MTUS2: variants seen among roughly 807,000 people sequenced by gnomAD.
MTUS2 encodes the protein microtubule associated scaffold protein 2.
Under a neutral mutation model 114.1 loss-of-function variants are expected in MTUS2, and 40 were observed. The observed-to-expected ratio is 0.35, with a 90% CI of 0.27 to 0.46. The LOEUF (loss-of-function observed/expected upper bound fraction) is 0.46. Among genes scored for constraint, MTUS2 ranks in the 20% least tolerant of loss-of-function variants. The pLI, the probability that MTUS2 is intolerant of heterozygous loss-of-function variation, is 1.00. For missense variants in MTUS2, 1,679 were observed against 1,705.4 expected (o/e 0.98, Z 0.27); for synonymous variants, 688 against 672.0 (o/e 1.02, Z -0.37).
chr13:28,995,019 G>A (rs1464655534), intron 2 of MTUS2, among the ~76,000 whole-genome samples: 1 of 152,042 alleles, frequency 6.6e-6, no homozygotes, highest in Non-Finnish European at 1.5e-5. Context: ...TTCTTCTAGG[G>A]TTTTATGGTT....
At chr13:29,196,538 G>A (rs2139218026) in intron 5 of MTUS2, among the ~76,000 whole-genome samples, 1 of 152,048 alleles carries the variant, frequency 6.6e-6, no homozygotes, top group South Asian at 2.1e-4. Flanking sequence ...ATAATGTTGT[G>A]CAGCCATCAC....
At chr13:29,096,103 C>T (rs1005858640) in intron 4 of MTUS2, among the ~76,000 whole-genome samples, 3 of 152,062 alleles carry the variant, frequency 2.0e-5, no homozygotes, top group Non-Finnish European at 4.4e-5. Flanking sequence ...TACTAATTAT[C>T]TCTCTTCCTC....
intron 8 of MTUS2, among the ~76,000 whole-genome samples, chr13:29,396,896 C>T (rs1873949999): frequency 1.3e-5 from 2 of 152,152 alleles, no homozygotes; most frequent in Admixed American, 1.3e-4. Context: ...CCCTGCAATC[C>T]CTGGCCATCA....
intron 5 of MTUS2, among the ~76,000 whole-genome samples, chr13:29,130,378 C>T (rs1275185170): frequency 6.6e-6 from 1 of 152,180 alleles, no homozygotes; most frequent in African/African-American, 2.4e-5. Flanking sequence ...CCTCGCTCTT[C>T]CTTCTGCCCA....
intron 4 of MTUS2, among the ~76,000 whole-genome samples, chr13:29,078,170 T>G (rs1593451987): frequency 6.6e-6 from 1 of 152,224 alleles, no homozygotes; most frequent in East Asian, 1.9e-4. Flanking sequence ...TCAGCTTCTT[T>G]GCATGAGATT....
At chr13:29,359,550 A>T (rs1870058099) in intron 8 of MTUS2, 77 bp downstream of exon 8, 5 of 1,480,052 alleles carry the variant, frequency 3.4e-6, no homozygotes, top group Admixed American at 2.0e-5. Flanking sequence ...TTGTTTGTGT[A>T]TGTTGCTGTT....
chr13:29,390,100 CATAT>C lies in MTUS2; in HGVS notation c.3117+30633_3117+30636del, dbSNP rs1220399618. ...ACACATACGTATATGTACACATACACATATATATACACATACACACACAAACATA... is the reference window on the plus strand; with the variant it reads ...ACACATACGTATATGTACACATACACATATACACATACACACACAAACATA... On this transcript the variant is annotated intron_variant, in intron 8 of 15. Coordinates refer to ENST00000612955, the MANE Select transcript of MTUS2 (RefSeq NM_001033602.4). Among the ~76,000 whole-genome samples the C allele has an allele frequency of 3.2e-3, 354 of 109,584 alleles. 10 individuals carry two copies. Among genetic ancestry groups the C allele is most frequent in the African/African-American group, 8.7e-3 (337 of 38,952 alleles). 71.9% of individuals were successfully genotyped at this position (109,584 alleles called of 152,430 possible).
chr13:29,447,246 A>G (rs548037466), intron 9 of MTUS2, among the ~76,000 whole-genome samples: 1 of 152,198 alleles, frequency 6.6e-6, no homozygotes, highest in Admixed American at 6.5e-5. Flanking sequence ...GTTAGATTTT[A>G]AAGAGTATAT....
chr13:29,321,298 G>A (rs1033646813), intron 6 of MTUS2, among the ~76,000 whole-genome samples: 15 of 152,156 alleles, frequency 9.9e-5, no homozygotes, highest in Admixed American at 6.5e-4. Context: ...GACAACAGCC[G>A]GGAGGCAGTA....
At chr13:29,035,810 C>G (rs1420401502) in intron 4 of MTUS2, among the ~76,000 whole-genome samples, 1 of 151,754 alleles carries the variant, frequency 6.6e-6, no homozygotes, top group Admixed American at 6.6e-5. Flanking sequence ...AGAGAAATAC[C>G]TGGAATAAAA....
rs1886567781 is a variant in MTUS2, at chr13:29,026,666, C to G, written c.1968C>G (p.Gly656=). 4 of 1,614,018 alleles carry G rather than the reference C, an allele frequency of 2.5e-6. No homozygotes were observed. The highest frequency in any genetic ancestry group is 3.4e-6 in the Non-Finnish European group (4 of 1,179,886). The part of the protein sequence containing the change: ...TYIRRNPQAL[G]QVDASLVPVG... ...TCAGGAGGAATCCCCAGGCCCTGGG[C>G]CAGGTGGACGCCTCGCTGGTTCCAG... is the stretch of plus-strand genomic sequence containing the variant. Residue 656 remains glycine (G), a synonymous_variant, in exon 3 of 16, where the codon GGC becomes GGG. Coordinates refer to ENST00000612955, the MANE Select transcript of MTUS2 (RefSeq NM_001033602.4).
rs150675092 is a variant in MTUS2 at position 29,455,791 on chromosome 13, G to A, written c.3184+15742G>A. Among the ~76,000 whole-genome samples, 280 of 152,174 alleles carry A rather than the reference G, an allele frequency of 1.8e-3. 1 individual carries two copies. Among genetic ancestry groups the A allele is most frequent in the African/African-American group, 6.5e-3 (271 of 41,506 alleles). On this transcript the variant is annotated intron_variant, in intron 9 of 15. Coordinates refer to ENST00000612955, the MANE Select transcript of MTUS2 (RefSeq NM_001033602.4). The stretch of plus-strand genomic sequence containing the variant: ...AGTTCAGGAGTTCGAAACCAGCCTT[G>A]GCAACATGGCAAAACCCCATCTCTA...
At chr13:28,899,404 A>G (rs2137951661) in intron 2 of MTUS2, among the ~76,000 whole-genome samples, 1 of 152,180 alleles carries the variant, frequency 6.6e-6, no homozygotes, top group African/African-American at 2.4e-5. Context: ...TAAGAAATCG[A>G]GCTGTTTCTT....
chr13:28,912,161 C>T (rs893080312), intron 2 of MTUS2, among the ~76,000 whole-genome samples: 1 of 151,998 alleles, frequency 6.6e-6, no homozygotes, highest in African/African-American at 2.4e-5. Context: ...TTTAAGTCTT[C>T]AACCCATCTT....
At chr13:29,371,536 G>C (rs1465400517) in intron 8 of MTUS2, among the ~76,000 whole-genome samples, 3 of 152,078 alleles carry the variant, frequency 2.0e-5, no homozygotes, top group Non-Finnish European at 4.4e-5. Flanking sequence ...TTAACCTTTT[G>C]ATGAAGGTAT....
intron 8 of MTUS2, 34 bp from the exon 9 acceptor site, chr13:29,439,949 A>G: frequency 6.6e-7 from 1 of 1,519,462 alleles, no homozygotes; most frequent in Non-Finnish European, 9.0e-7. Flanking sequence ...GCATAAAACT[A>G]GGGGACTCTC....
intron 5 of MTUS2, among the ~76,000 whole-genome samples, chr13:29,179,612 G>A (rs1173662765): frequency 2.6e-5 from 4 of 151,416 alleles, no homozygotes; most frequent in African/African-American, 7.3e-5. Flanking sequence ...TAGGGAAAAA[G>A]CACAGGAAGT....
chr13:28,851,774 C>A (rs540991767), intron 2 of MTUS2, among the ~76,000 whole-genome samples: 5,231 of 151,190 alleles, frequency 0.035, 126 homozygotes, highest in Middle Eastern at 0.058. Flanking sequence ...TCCGCCCCGG[C>A]CCTGTGGGAT....
intron 6 of MTUS2, among the ~76,000 whole-genome samples, chr13:29,295,826 T>C (rs996441912): frequency 6.6e-5 from 10 of 152,154 alleles, no homozygotes; most frequent in African/African-American, 2.4e-4. Flanking sequence ...CAAGGGAGTG[T>C]GTGCAGCGGA....
Sources: allele counts gnomAD v4.1 joint callset (sites outside exome capture counted in the v4.1 genomes callset), GRCh38; gene constraint gnomAD v4.1.1; transcripts MANE v1.5; gene names NCBI Gene and HGNC (gene_info 2026-07-23, HGNC 2026-07-21).